PRDX3: variants seen among roughly 807,000 people sequenced by gnomAD.
PRDX3 encodes the protein peroxiredoxin 3.
PRDX3 carries 20 observed loss-of-function variants against 30.4 expected under a neutral mutation model. The ratio of observed to expected loss-of-function variants is 0.66; its 90% confidence interval spans 0.46 to 0.96. PRDX3 has a LOEUF of 0.96. Among genes scored for constraint, PRDX3 ranks in the 40% least tolerant of loss-of-function variants. The probability of loss-of-function intolerance (pLI) is 0.00; values close to 1 mark genes in which losing one functional copy is unlikely to be tolerated. For synonymous variants in PRDX3, 124 were observed against 117.8 expected, an observed-to-expected ratio of 1.05 and a Z score of -0.34; for missense variants, 322 against 318.3, an observed-to-expected ratio of 1.01 and a Z score of -0.09.
In PRDX3 at chr10:119,168,159, T is replaced by C. The variant is rs769459699; in HGVS notation, c.*321A>G. 1.0e-4 allele frequency: 28 copies of C among 276,480 alleles called. No individual in the cohort carries two copies. Among genetic ancestry groups the C allele is most frequent in the Non-Finnish European group, 1.7e-4 (26 of 149,018 alleles). 17.1% of individuals were successfully genotyped at this position (276,480 alleles called of 1,614,324 possible). ...TTGCTCTACTTTATTATAGGCAAGA[T>C]TCAAGTAAGGCTAAGAAAGAAGAGT... On this transcript the variant is annotated 3_prime_UTR_variant, in exon 7 of 7. Coordinates refer to ENST00000298510, the MANE Select transcript of PRDX3 (RefSeq NM_006793.5).
intron 2 of PRDX3, among the ~76,000 whole-genome samples, chr10:119,176,589 A>G (rs11198810): frequency 0.98 from 149,766 of 152,320 alleles, 73,685 homozygotes; most frequent in East Asian, 1. Flanking sequence ...ATACCATTAG[A>G]CAGGTCTGGT....
Position 119,172,349 on chromosome 10 carries a change from A to T in PRDX3, c.551+33T>A. On this transcript the variant is annotated intron_variant, in intron 5 of 6. Coordinates refer to ENST00000298510, the MANE Select transcript of PRDX3 (RefSeq NM_006793.5). ...AGCAGAATGATACTAAACATGAAAA[A>T]TAATCTTAAGTTCATCAGAAACAGG... The T allele has an allele frequency of 2.0e-6, 3 of 1,521,266 alleles. No homozygotes were observed. The South Asian group carries it at 3.4e-5, about 17-fold the overall frequency. 94.2% of individuals were successfully genotyped at this position (1,521,266 alleles called of 1,614,324 possible). A position where few individuals can be genotyped will look rare whatever the true frequency, so the allele number is the denominator to read the frequency against.
chr10:119,170,519 A>AT (rs1239723340), intron 5 of PRDX3: 2 of 152,138 alleles, frequency 1.3e-5, no homozygotes, highest in Non-Finnish European at 2.9e-5. Flanking sequence ...TAGGAGAAAA[A>AT]TAGCCAGTAC....
In PRDX3 at chr10:119,169,240, C is replaced by T. The variant is rs759933227; in HGVS notation, c.654G>A (p.Ala218=). The T allele has an allele frequency of 3.1e-5, 50 of 1,613,486 alleles. No homozygotes were observed. Among genetic ancestry groups the T allele is most frequent in the Non-Finnish European group, 3.5e-5 (41 of 1,180,016 alleles). The change falls in exon 6 of 7, where the codon GCG becomes GCA. Residue 218 remains alanine, a synonymous_variant. Transcript: ENST00000298510. ...CTCCATGTGTTTCTACATACTGGAA[C>T]GCCTTCACCAAGCGGAGGGTTTCTT... ...SVEETLRLVK[A]FQYVETHGEV...
intron 6 of PRDX3, 126 bp from the exon 7 acceptor site, chr10:119,168,659 T>C: frequency 2.0e-6 from 3 of 1,478,532 alleles, no homozygotes; most frequent in Non-Finnish European, 2.7e-6. Context: ...CTTTAAAACA[T>C]AAAGATGAAA....
At chr10:119,177,784 A>G (rs549156900) in intron 1 of PRDX3, among the ~76,000 whole-genome samples, 9 of 152,134 alleles carry the variant, frequency 5.9e-5, no homozygotes, top group Non-Finnish European at 1.2e-4. Flanking sequence ...TTTCCTTAGA[A>G]AAACAAGGCC....
At position 119,169,032 on chromosome 10, in the gene PRDX3, C is replaced by T. The variant is rs964394030; in HGVS notation, c.717+145G>A. The T allele has an allele frequency of 2.1e-5, 18 of 840,098 alleles. No homozygotes were observed. In the African/African-American group the frequency reaches 3.1e-4, roughly 14 times the overall value. 52.0% of individuals were successfully genotyped at this position (840,098 alleles called of 1,614,324 possible). ...TGGTTCCTGGCTCCCCACCCCACCC[C>T]CTCTACCCCACAGCAGCTTCACCCA... is the stretch of plus-strand genomic sequence containing the variant. On this transcript the variant is annotated intron_variant, in intron 6 of 6. Transcript: ENST00000298510.
rs189278170 is a variant in PRDX3 at position 119,173,790 on chromosome 10, C to T, written c.394G>A (p.Val132Ile). 3.1e-6 allele frequency: 5 copies of T among 1,612,778 alleles called. No individual in the cohort carries two copies. Among genetic ancestry groups the T allele is most frequent in the Middle Eastern group, 1.9e-4 (1 of 5,156 alleles). Reference protein sequence around the residue: ...FHDVNCEVVAVSVDSHFSHLA... With the variant: ...FHDVNCEVVAISVDSHFSHLA... ...TGGCTAAAGTGGGAATCCACTGAGA[C>T]TGCGACAACTTCACAGTTCACGTCG... Residue 132 changes from valine (V) to isoleucine (I), a missense_variant, in exon 4 of 7, where the codon GTC (valine) becomes ATC (isoleucine). By Grantham distance (29) the Val-to-Ile change is conservative. Transcript: ENST00000298510.
Position 119,168,304 on chromosome 10 carries a change from C to A in PRDX3, c.*176G>T. ...AAGGATTCCTTGTACTAGCAACTAA[C>A]CATGTTTAAAAGGTCTTAGCCAGAA... On this transcript the variant is annotated 3_prime_UTR_variant, in exon 7 of 7. Transcript: ENST00000298510. 7.7e-7 allele frequency: 1 copy of A among 1,304,188 alleles called. No homozygotes were observed. Among genetic ancestry groups the A allele is most frequent in the Non-Finnish European group, 1.0e-6 (1 of 984,056 alleles). 80.8% of individuals were successfully genotyped at this position (1,304,188 alleles called of 1,614,324 possible).
At position 119,169,320 on chromosome 10, in the gene PRDX3, TG is replaced by T; in HGVS notation, c.573del (p.Asn192MetfsTer7). The stretch of plus-strand genomic sequence containing the variant: ...ACGCTCAAATGCTTGATGACTCCAT[TG>T]GGGTCAATTATGAAGAGACCTCTGC... The part of the protein sequence containing the change: ...LALRGLFIID[P>X]NGVIKHLSVN... On this transcript the variant is annotated frameshift_variant, in exon 6 of 7. Transcript: ENST00000298510. LOFTEE classifies it high-confidence loss of function. The T allele has an allele frequency of 3.1e-6, 5 of 1,613,992 alleles. No homozygotes were observed. Among genetic ancestry groups the T allele is most frequent in the Non-Finnish European group, 4.2e-6 (5 of 1,179,962 alleles).
chr10:119,177,952 C>T (rs1370943742), intron 1 of PRDX3, among the ~76,000 whole-genome samples: 1 of 148,776 alleles, frequency 6.7e-6, no homozygotes, highest in African/African-American at 2.5e-5. Flanking sequence ...GCGATCTCGG[C>T]TCGCTGCAGT....
chr10:119,176,648 G>T (rs1040367894), intron 2 of PRDX3, among the ~76,000 whole-genome samples: 10 of 152,200 alleles, frequency 6.6e-5, no homozygotes, highest in African/African-American at 2.2e-4. Context: ...TCTTAGAGCA[G>T]CTGCCCTCTC....
chr10:119,174,489 C>T lies in PRDX3; in HGVS notation c.273G>A (p.Lys91=). Residue 91 remains lysine, a synonymous_variant, in exon 3 of 7, where the codon AAG becomes AAA. Coordinates refer to ENST00000298510, the MANE Select transcript of PRDX3 (RefSeq NM_006793.5). ...AGAAGAAAAGCACCAAATATTTCCC[C>T]TTAAAGTCATCAAGGCTTAGGTCTT... ...EFKDLSLDDF[K]GKYLVLFFYP... is the part of the protein sequence containing the mutation. 1 of 1,611,430 alleles carries T rather than the reference C, an allele frequency of 6.2e-7. No individual in the cohort carries two copies. The highest frequency in any genetic ancestry group is 8.5e-7 in the Non-Finnish European group (1 of 1,179,294).
At position 119,178,779 on chromosome 10, in the gene PRDX3, A is replaced by G. The variant is rs368626890; in HGVS notation, c.12T>C (p.Ala4=). The change falls in exon 1 of 7, where the codon GCT becomes GCC. Residue 4 remains alanine (A), a synonymous_variant. Transcript: ENST00000298510. MAA[A]VGRLLRASVA... ...CCGACGCTCGGAGCAACCGTCCTACAGCAGCCGCCATCTTCAGTGCACTCG... is the reference window on the plus strand; with the variant it reads ...CCGACGCTCGGAGCAACCGTCCTACGGCAGCCGCCATCTTCAGTGCACTCG... 107 of 1,552,672 alleles carry G rather than the reference A, an allele frequency of 6.9e-5. No homozygotes were observed. The highest frequency in any genetic ancestry group is 7.8e-5 in the Non-Finnish European group (89 of 1,148,188).
At chr10:119,177,466 T>C (rs1343049374) in intron 1 of PRDX3, among the ~76,000 whole-genome samples, 1 of 152,074 alleles carries the variant, frequency 6.6e-6, no homozygotes, top group African/African-American at 2.4e-5. Flanking sequence ...GAGACCAGCC[T>C]GGCCAAGATG....
intron 6 of PRDX3, among the ~76,000 whole-genome samples, chr10:119,168,804 C>T (rs898487705): frequency 6.6e-6 from 1 of 152,030 alleles, no homozygotes; most frequent in African/African-American, 2.4e-5. Flanking sequence ...GGTGAAACCC[C>T]GTCTCTACTA....
chr10:119,177,564 CAGG>C (rs910607183), intron 1 of PRDX3, among the ~76,000 whole-genome samples: 1 of 148,748 alleles, frequency 6.7e-6, no homozygotes, highest in African/African-American at 2.5e-5. Context: ...GAGGCTGAGG[CAGG>C]AGAATTGCTT....
chr10:119,169,196 C>T lies in PRDX3; in HGVS notation c.698G>A (p.Trp233Ter), dbSNP rs1847843643. 5 of 1,612,310 alleles carry T rather than the reference C, an allele frequency of 3.1e-6. No homozygotes were observed. Among genetic ancestry groups the T allele is most frequent in the Non-Finnish European group, 3.4e-6 (4 of 1,180,030 alleles). Reference sequence around the variant, plus strand: ...ACCTACCGTAGGAGAATCCGGTGTCCAGTTCGCTGGGCAGACTTCTCCATG... The same window carrying T: ...ACCTACCGTAGGAGAATCCGGTGTCTAGTTCGCTGGGCAGACTTCTCCATG... ...ETHGEVCPAN[W>*]TPDSPTIKPS... Residue 233 changes from tryptophan (W) to a stop codon, truncating the protein, a stop_gained, in exon 6 of 7, where the codon TGG becomes TAG. Transcript: ENST00000298510. LOFTEE classifies it high-confidence loss of function.
intron 4 of PRDX3, 35 bp downstream of exon 4, chr10:119,173,702 T>A (rs767253808): frequency 2.5e-6 from 4 of 1,601,206 alleles, no homozygotes; most frequent in Non-Finnish European, 3.4e-6. Flanking sequence ...CCAAGCAAGT[T>A]TATAAGAGCA....
Sources: gnomAD v4.1 joint callset for allele counts (sites outside exome capture counted in the v4.1 genomes callset) on GRCh38, gnomAD v4.1.1 for gene constraint, MANE v1.5 for transcripts, NCBI Gene and HGNC (gene_info 2026-07-23, HGNC 2026-07-21) for gene names.